Variants in NFYA observed in about 807,000 individuals in gnomAD.
NFYA encodes nuclear transcription factor Y subunit alpha.
Under a neutral mutation model 52.8 loss-of-function variants are expected in NFYA, and 28 were observed. That is an observed-to-expected ratio of 0.53 (90% CI 0.39 to 0.73). NFYA has a LOEUF of 0.73. Among genes scored for constraint, NFYA ranks in the 30% least tolerant of loss-of-function variants. NFYA has a pLI of 0.00. For synonymous variants in NFYA, 150 were observed against 150.7 expected (o/e 1.00, Z 0.03); for missense variants, 234 against 427.0 (o/e 0.55, Z 3.98).
chr6:41,078,976 TA>T, intron 1 of NFYA, 52 bp from the exon 2 acceptor site: 1 of 795,782 alleles, frequency 1.3e-6, no homozygotes, highest in Non-Finnish European at 2.1e-6. Flanking sequence ...AATTGTCTGG[TA>T]AGGCCTTTAT....
At chr6:41,075,298 T>G (rs1763703811) in intron 1 of NFYA, 1 of 152,220 alleles carries the variant, frequency 6.6e-6, no homozygotes, top group Non-Finnish European at 1.5e-5. Context: ...CATCCTCCCT[T>G]CTTGTTCTCC....
rs1021904155 is a variant in NFYA, at chr6:41,091,626, G to A, written c.646G>A (p.Gly216Arg). 5.6e-6 allele frequency: 9 copies of A among 1,614,092 alleles called. No homozygotes were observed. In the Admixed American group the frequency reaches 8.3e-5, roughly 15 times the overall value. The part of the protein sequence containing the change: ...TGANTNTTSS[G>R]QGTVTVTLPV... ...AGCCAATACCAACACAACCAGCAGT[G>A]GGCAAGGGACTGTCACTGTGACACT... The change falls in exon 7 of 10, where the codon GGG becomes AGG. Residue 216 changes from glycine to arginine, a missense_variant. Around this residue, in one of 3 missense-constraint regions of NFYA, gnomAD observed 81 missense variants for 210.5 expected, o/e 0.38. Transcript: ENST00000341376.
At chr6:41,095,855 T>C (rs1200317114) in intron 9 of NFYA, among the ~76,000 whole-genome samples, 1 of 152,252 alleles carries the variant, frequency 6.6e-6, no homozygotes, top group African/African-American at 2.4e-5. Context: ...TTGGACTTAA[T>C]TCTATTTAAG....
chr6:41,089,773 C>G (rs1390470196), intron 5 of NFYA, 63 bp downstream of exon 5: 6 of 1,574,184 alleles, frequency 3.8e-6, no homozygotes, highest in Non-Finnish European at 5.2e-6. Context: ...ATAACTGAGT[C>G]AGATATTTCA....
At chr6:41,089,409 T>C (rs1764138425) in intron 4 of NFYA, among the ~76,000 whole-genome samples, 170 bp from the exon 5 acceptor site, 1 of 152,256 alleles carries the variant, frequency 6.6e-6, no homozygotes, top group Non-Finnish European at 1.5e-5. Flanking sequence ...CCTATTTGTT[T>C]CATAAATGGA....
intron 7 of NFYA, 126 bp from the exon 8 acceptor site, chr6:41,092,786 C>T: frequency 1.1e-6 from 1 of 879,434 alleles, no homozygotes; most frequent in Non-Finnish European, 1.7e-6. Flanking sequence ...TCCGCATTTA[C>T]CCAAGTACCC....
intron 1 of NFYA, among the ~76,000 whole-genome samples, chr6:41,074,643 G>A (rs549769282): frequency 6.6e-6 from 1 of 152,314 alleles, no homozygotes; most frequent in East Asian, 1.9e-4. Context: ...TAGGGAAGTG[G>A]GCAGTAGTTG....
chr6:41,077,233 A>T (rs1464274180), intron 1 of NFYA, among the ~76,000 whole-genome samples: 2 of 152,216 alleles, frequency 1.3e-5, no homozygotes, highest in African/African-American at 4.8e-5. Context: ...CAATTTATTG[A>T]GAGATACTTT....
At chr6:41,078,399 CAGAG>C (rs1256260639) in intron 1 of NFYA, among the ~76,000 whole-genome samples, 3 of 152,194 alleles carry the variant, frequency 2.0e-5, no homozygotes, top group South Asian at 2.1e-4. Context: ...AGTGAAAAAT[CAGAG>C]AGAAAGACCT....
At position 41,081,961 on chromosome 6, in the gene NFYA, C is replaced by G. The variant is rs78077306; in HGVS notation, c.162+1064C>G. The stretch of plus-strand genomic sequence containing the variant: ...CAGTTCCTATAAAACACAGGAGTAG[C>G]AGCACTAGTCTACTCTGTGTATGTA... On this transcript the variant is annotated intron_variant, in intron 3 of 9. Transcript: ENST00000341376. Among the ~76,000 whole-genome samples the G allele has an allele frequency of 4.0e-3, 612 of 152,308 alleles. 11 individuals carry two copies. In the South Asian group the frequency reaches 0.061, roughly 15 times the overall value.
chr6:41,091,835 A>G (rs1177009286), intron 7 of NFYA, 141 bp downstream of exon 7: 4 of 909,228 alleles, frequency 4.4e-6, no homozygotes, highest in Non-Finnish European at 6.5e-6. Flanking sequence ...TGACAATAAC[A>G]TTATGACAAA....
rs1295913227 is a variant in NFYA at position 41,099,323 on chromosome 6, A to G, written c.*1913A>G. 1 of 152,246 alleles carries G rather than the reference A, an allele frequency of 6.6e-6. No individual in the cohort carries two copies. The highest frequency in any genetic ancestry group is 1.9e-4 in the East Asian group (1 of 5,202). The allele number at this position is 152,246 out of a possible 1,614,324, so 9.4% of individuals were successfully genotyped here. ...TTTAGGAGTCTAAGATGCAGAGTTC[A>G]GAAAGAAATTACTCAGACCTAACTT... On this transcript the variant is annotated 3_prime_UTR_variant, in exon 10 of 10. Coordinates refer to ENST00000341376, the MANE Select transcript of NFYA (RefSeq NM_002505.5).
rs878967292 is a variant in NFYA, at chr6:41,097,535, G to C, written c.*125G>C. 6.3e-6 allele frequency: 6 copies of C among 949,442 alleles called. No individual in the cohort carries two copies. In the South Asian group the frequency reaches 9.6e-5, roughly 15 times the overall value. 58.8% of individuals were successfully genotyped at this position (949,442 alleles called of 1,614,324 possible). On this transcript the variant is annotated 3_prime_UTR_variant, in exon 10 of 10. Transcript: ENST00000341376. The stretch of plus-strand genomic sequence containing the variant: ...TTTACTACAGGACAGAAACCACTTA[G>C]TTTTTAATAAGTGGCTCAGTATTAC...
chr6:41,084,695 G>A (rs1763994621), intron 4 of NFYA, among the ~76,000 whole-genome samples: 1 of 152,340 alleles, frequency 6.6e-6, no homozygotes, highest in South Asian at 2.1e-4. Context: ...AGGCGCAGTG[G>A]CTCATGCCTG....
chr6:41,080,728 C>T, intron 2 of NFYA, 83 bp from the exon 3 acceptor site: 1 of 1,156,398 alleles, frequency 8.6e-7, no homozygotes, highest in Admixed American at 1.8e-5. Context: ...CGTCTCTCTC[C>T]TCCAAGAGGT....
chr6:41,075,226 A>G (rs879405881), intron 1 of NFYA: 12 of 152,162 alleles, frequency 7.9e-5, no homozygotes, highest in Non-Finnish European at 1.5e-4. Flanking sequence ...TTCCTCTGTC[A>G]TCCAGGCTGG....
At chr6:41,085,122 T>C (rs1764009433) in intron 4 of NFYA, among the ~76,000 whole-genome samples, 1 of 152,222 alleles carries the variant, frequency 6.6e-6, no homozygotes, top group Non-Finnish European at 1.5e-5. Context: ...TTAATCATTA[T>C]TTTTGGTAAT....
intron 1 of NFYA, among the ~76,000 whole-genome samples, chr6:41,076,044 C>T (rs1010695015): frequency 2.6e-5 from 4 of 152,180 alleles, no homozygotes; most frequent in Admixed American, 2.6e-4. Context: ...AAGCGTCTAT[C>T]AGGACCCACT....
intron 9 of NFYA, among the ~76,000 whole-genome samples, chr6:41,096,363 T>C (rs1764356406): frequency 1.3e-5 from 2 of 152,236 alleles, no homozygotes; most frequent in African/African-American, 4.8e-5. Context: ...TGACAGCTAT[T>C]GTGGCAGGAG....
Sources: allele counts gnomAD v4.1 joint callset (sites outside exome capture counted in the v4.1 genomes callset), GRCh38; gene constraint gnomAD v4.1.1; regional missense constraint gnomAD v4.1.1; transcripts MANE v1.5; gene names NCBI Gene and HGNC (gene_info 2026-07-23, HGNC 2026-07-21).